NTN4: variants seen among roughly 807,000 people sequenced by gnomAD.
NTN4 encodes netrin-4.
In NTN4, 32 loss-of-function variants were observed where a neutral mutation model predicts 73.6. That is an observed-to-expected ratio of 0.44 (90% CI 0.33 to 0.58). The LOEUF (loss-of-function observed/expected upper bound fraction) is 0.58, where lower values mean the gene tolerates loss of function less well. Ranked by LOEUF, NTN4 falls within the 20% of genes least tolerant of loss-of-function variation. NTN4 has a pLI of 0.04. For synonymous variants in NTN4, 258 were observed against 287.5 expected, an observed-to-expected ratio of 0.90 and a Z score of 1.04; for missense variants, 654 against 798.3, an observed-to-expected ratio of 0.82 and a Z score of 2.18.
intron 8 of NTN4, among the ~76,000 whole-genome samples, chr12:95,667,450 T>TCTCC: frequency 6.6e-6 from 1 of 152,110 alleles, no homozygotes; most frequent in African/African-American, 2.4e-5. Flanking sequence ...TCTTGGCTGG[T>TCTCC]CTCATACTCT....
chr12:95,678,007 T>TA (rs1267624882), intron 7 of NTN4, among the ~76,000 whole-genome samples: 2 of 152,028 alleles, frequency 1.3e-5, no homozygotes, highest in South Asian at 2.1e-4. Context: ...TACGCAGCCA[T>TA]AAAAAAGGAT....
rs1477713614 is a variant in NTN4, at chr12:95,738,015, T to G, written c.715A>C (p.Asn239His). The stretch of plus-strand genomic sequence containing the variant: ...TGTTGAGGCTCTTCGTTCAGGTCAT[T>G]TCTCTGACAGGGACAAGACTGTCGT... The part of the protein sequence containing the change: ...LKRQSCPCQR[N>H]DLNEEPQHFT... Residue 239 changes from asparagine (N) to histidine (H), a missense_variant, in exon 3 of 10, where the codon AAT becomes CAT. By Grantham distance (68) the Asn-to-His change is moderately conservative. Coordinates refer to ENST00000343702, the MANE Select transcript of NTN4 (RefSeq NM_021229.4). 1 of 1,614,018 alleles carries G rather than the reference T, an allele frequency of 6.2e-7. No individual in the cohort carries two copies. Among genetic ancestry groups the G allele is most frequent in the Non-Finnish European group, 8.5e-7 (1 of 1,180,018 alleles).
intron 2 of NTN4, among the ~76,000 whole-genome samples, chr12:95,752,440 A>G (rs1592704499): frequency 1.3e-5 from 2 of 150,732 alleles, no homozygotes; most frequent in Non-Finnish European, 3.0e-5. Flanking sequence ...ATTCCTTTGC[A>G]CCCTTCATCC....
intron 2 of NTN4, among the ~76,000 whole-genome samples, chr12:95,761,871 G>A (rs534861690): frequency 1.3e-5 from 2 of 152,100 alleles, no homozygotes; most frequent in South Asian, 4.1e-4. Context: ...GCTGTAATGA[G>A]ACCAAATGCT....
chr12:95,683,721 A>G lies in NTN4; in HGVS notation c.1181-10T>C. The G allele has an allele frequency of 6.3e-7, 1 of 1,586,334 alleles. No individual in the cohort carries two copies. ...GGATGGCAGGAACACGCTACAACAGAGAGGACACGCAAGGATCAAAGACTG... is the reference window on the plus strand; with the variant it reads ...GGATGGCAGGAACACGCTACAACAGGGAGGACACGCAAGGATCAAAGACTG... On this transcript the variant is annotated splice_polypyrimidine_tract_variant and intron_variant, in intron 5 of 9. Transcript: ENST00000343702.
At chr12:95,703,118 A>G (rs1186753591) in intron 5 of NTN4, among the ~76,000 whole-genome samples, 1 of 152,040 alleles carries the variant, frequency 6.6e-6, no homozygotes, top group African/African-American at 2.4e-5. Flanking sequence ...TGGCCTCCCA[A>G]AGTGCTGGGA....
Position 95,683,534 on chromosome 12 carries a change from C to T in NTN4, c.1358G>A (p.Gly453Glu). ...DYGCRPCDCA[G>E]SCDPITGDCI... ...GTCTCCGGTGATAGGGTCACAGCTC[C>T]CCGCACAGTCACATGGTCGACAGCC... Residue 453 changes from glycine (G) to glutamate (E), a missense_variant, in exon 6 of 10, where the codon GGG becomes GAG. By Grantham distance (98) the Gly-to-Glu change is moderately conservative (BLOSUM62 -2). Transcript: ENST00000343702. 2.5e-6 allele frequency: 4 copies of T among 1,614,192 alleles called. No homozygotes were observed. Among genetic ancestry groups the T allele is most frequent in the Non-Finnish European group, 3.4e-6 (4 of 1,180,026 alleles).
intron 2 of NTN4, among the ~76,000 whole-genome samples, chr12:95,763,044 T>C (rs2078999394): frequency 6.6e-6 from 1 of 152,206 alleles, no homozygotes; most frequent in Admixed American, 6.5e-5. Flanking sequence ...AAATCCTAAG[T>C]TTCTGTGACC....
At chr12:95,748,602 C>G (rs945637889) in intron 2 of NTN4, among the ~76,000 whole-genome samples, 2 of 151,416 alleles carry the variant, frequency 1.3e-5, no homozygotes, top group African/African-American at 4.9e-5. Flanking sequence ...TCCAGAGTAG[C>G]TGGAATTACA....
chr12:95,722,298 A>C (rs1286068661), intron 3 of NTN4, among the ~76,000 whole-genome samples: 1 of 152,172 alleles, frequency 6.6e-6, no homozygotes, highest in African/African-American at 2.4e-5. Context: ...TAAATCACAA[A>C]ACACGTTTGA....
chr12:95,708,935 A>G (rs2078541730), intron 5 of NTN4, among the ~76,000 whole-genome samples: 1 of 152,200 alleles, frequency 6.6e-6, no homozygotes, highest in Admixed American at 6.5e-5. Context: ...TAAATATTAC[A>G]AAGTCTGAGT....
rs999701125 is a variant in NTN4 at position 95,735,892 on chromosome 12, ATT to A, written c.864+1972_864+1973del. Among the ~76,000 whole-genome samples, 5 of 148,022 alleles carry A rather than the reference ATT, an allele frequency of 3.4e-5. No homozygotes were observed. The Admixed American group carries it at 3.4e-4, about 10-fold the overall frequency. On this transcript the variant is annotated intron_variant, in intron 3 of 9. Transcript: ENST00000343702. The stretch of plus-strand genomic sequence containing the variant: ...TAATACTTTTAAATGCCTGCTCATG[ATT>A]TTTTTTAAATTTTTATTTATTTATT...
chr12:95,672,122 A>T (rs1458631789), intron 7 of NTN4, among the ~76,000 whole-genome samples: 2 of 151,546 alleles, frequency 1.3e-5, no homozygotes, highest in Non-Finnish European at 2.9e-5. Context: ...GGAGTCTAAG[A>T]CCAGGCTAGG....
intron 3 of NTN4, among the ~76,000 whole-genome samples, chr12:95,716,072 C>T (rs1344184272): frequency 1.6e-5 from 2 of 124,672 alleles, no homozygotes; most frequent in Admixed American, 1.6e-4. Context: ...TATCTAAATC[C>T]TACATGTCAA....
intron 2 of NTN4, among the ~76,000 whole-genome samples, chr12:95,756,321 T>A (rs1453130039): frequency 6.6e-6 from 1 of 152,234 alleles, no homozygotes; most frequent in Non-Finnish European, 1.5e-5. Flanking sequence ...TGGTTAAAAG[T>A]AGTAATACCT....
intron 2 of NTN4, among the ~76,000 whole-genome samples, chr12:95,751,295 G>A (rs12423694): frequency 0.25 from 36,420 of 148,450 alleles, 4,850 homozygotes; most frequent in Non-Finnish European, 0.31. Context: ...AATTAACCTC[G>A]CCTTCAAGGT....
chr12:95,774,239 GGC>G (rs2079076788), intron 2 of NTN4, among the ~76,000 whole-genome samples: 1 of 150,658 alleles, frequency 6.6e-6, no homozygotes, highest in African/African-American at 2.4e-5. Context: ...ATAACTTCAA[GGC>G]AAATTAATCA....
chr12:95,786,038 T>G (rs1458761886), intron 2 of NTN4, among the ~76,000 whole-genome samples: 1 of 152,140 alleles, frequency 6.6e-6, no homozygotes, highest in Non-Finnish European at 1.5e-5. Context: ...AGTGTCCCAA[T>G]GTCCCCAGGG....
chr12:95,710,969 A>T (rs1592679219), intron 4 of NTN4, among the ~76,000 whole-genome samples: 1 of 152,318 alleles, frequency 6.6e-6, no homozygotes, highest in Non-Finnish European at 1.5e-5. Context: ...GCGCCACTGC[A>T]CTCCAGCCTC....
Sources: gnomAD v4.1 joint callset for allele counts (sites outside exome capture counted in the v4.1 genomes callset) on GRCh38, gnomAD v4.1.1 for gene constraint, MANE v1.5 for transcripts, NCBI Gene and HGNC (gene_info 2026-07-23, HGNC 2026-07-21) for gene names.